The following ATP13A1 variants were observed in gnomAD, a reference collection of about 807,000 sequenced individuals.
The protein encoded by ATP13A1 is ATPase 13A1.
ATP13A1 carries 55 observed loss-of-function variants against 134.8 expected under a neutral mutation model. The ratio of observed to expected loss-of-function variants is 0.41; its 90% CI spans 0.33 to 0.51. The LOEUF is 0.51. Among genes scored for constraint, ATP13A1 ranks in the 20% least tolerant of loss-of-function variants. The probability of loss-of-function intolerance (pLI) is 0.29; values close to 1 mark genes in which losing one functional copy is unlikely to be tolerated. For missense variants in ATP13A1, 1,389 were observed against 1,652.8 expected, an observed-to-expected ratio of 0.84 and a Z score of 2.77; for synonymous variants, 775 against 725.1, an observed-to-expected ratio of 1.07 and a Z score of -1.10.
intron 3 of ATP13A1, among the ~76,000 whole-genome samples, chr19:19,658,457 C>T (rs1467053259): frequency 6.6e-6 from 1 of 152,182 alleles, no homozygotes; most frequent in African/African-American, 2.4e-5. Flanking sequence ...TGTGACTGGC[C>T]AACCTTGGGG....
At chr19:19,652,469 T>G in intron 16 of ATP13A1, 126 bp downstream of exon 16, 1 of 1,346,438 alleles carries the variant, frequency 7.4e-7, no homozygotes. Context: ...ACCTGAGCTA[T>G]GATCTTGCTC....
rs1228070278 is a variant in ATP13A1 at position 19,647,337 on chromosome 19, TGG to T, written c.2909-14_2909-13del. ...GATCACGTGGCAGACTGCAGGGTGG[TGG>T]GGAGGCAGGTGTGGGTGTGGGTAGG... On this transcript the variant is annotated splice_polypyrimidine_tract_variant and intron_variant, in intron 21 of 25. Coordinates refer to ENST00000357324, the MANE Select transcript of ATP13A1 (RefSeq NM_020410.3). The surrounding 1 kb of genome is among the most constrained non-coding windows in gnomAD (Gnocchi z 4.8). The T allele has an allele frequency of 2.2e-6, 3 of 1,345,498 alleles. No homozygotes were observed. The South Asian group carries it at 4.4e-5, about 20-fold the overall frequency. 83.3% of individuals were successfully genotyped at this position (1,345,498 alleles called of 1,614,324 possible).
chr19:19,647,638 C>A lies in ATP13A1; in HGVS notation c.2754G>T (p.Ser918=). Reference sequence around the variant, plus strand: ...GCTGCTCCTCGGAGGGAGGGAGCCCCGACCGCTGCTTGGCTGTCCTGGAGG... The same window carrying A: ...GCTGCTCCTCGGAGGGAGGGAGCCCAGACCGCTGCTTGGCTGTCCTGGAGG... ...RATSRTAKQR[S]GLPPSEEQPT... The change falls in exon 20 of 26, where the codon TCG becomes TCT. Residue 918 remains serine, a synonymous_variant. Transcript: ENST00000357324. This position sits in a 1 kb window ranked among gnomAD's most constrained non-coding sequence, Gnocchi z 4.8. The A allele has an allele frequency of 6.2e-7, 1 of 1,613,286 alleles. No homozygotes were observed. The highest frequency in any genetic ancestry group is 8.5e-7 in the Non-Finnish European group (1 of 1,179,846).
intron 1 of ATP13A1, chr19:19,662,082 G>T: frequency 6.3e-7 from 1 of 1,576,324 alleles, no homozygotes; most frequent in Non-Finnish European, 8.6e-7. Context: ...CACCTCTCCT[G>T]GCTGATGGCT....
At chr19:19,646,602 G>A in intron 22 of ATP13A1, 1 of 550,020 alleles carries the variant, frequency 1.8e-6, no homozygotes, top group East Asian at 3.1e-5. Flanking sequence ...TGAGAATCAT[G>A]AAGCAGATCC....
chr19:19,656,020 C>G lies in ATP13A1; in HGVS notation c.1213+34G>C. 1.2e-6 allele frequency: 2 copies of G among 1,613,074 alleles called. No individual in the cohort carries two copies. Among genetic ancestry groups the G allele is most frequent in the Non-Finnish European group, 1.7e-6 (2 of 1,179,644 alleles). ...AGCAGACGGGCAAAGGGGGTGGAAG[C>G]CCAGATACCCCCAGACGCCCATGAG... is the stretch of plus-strand genomic sequence containing the variant. On this transcript the variant is annotated intron_variant, in intron 8 of 25. Coordinates refer to ENST00000357324, the MANE Select transcript of ATP13A1 (RefSeq NM_020410.3). The surrounding 1 kb of genome is among the most constrained non-coding windows in gnomAD (Gnocchi z 4.6).
At chr19:19,646,137 A>C in intron 23 of ATP13A1, 68 bp downstream of exon 23, 1 of 1,607,658 alleles carries the variant, frequency 6.2e-7, no homozygotes, top group South Asian at 1.1e-5. Flanking sequence ...CTCCTGCTGA[A>C]GTCTGTGGAG....
In ATP13A1 at chr19:19,656,822, G is replaced by A. The variant is rs1436385383; in HGVS notation, c.976+25C>T. On this transcript the variant is annotated intron_variant, in intron 6 of 25. Coordinates refer to ENST00000357324, the MANE Select transcript of ATP13A1 (RefSeq NM_020410.3). The surrounding 1 kb of genome is among the most constrained non-coding windows in gnomAD (Gnocchi z 4.6). ...AGGCCCTGAGGCTGGGGCTCCCACT[G>A]GGACTGAGCGGAACCCGGCCTCACC... The A allele has an allele frequency of 1.2e-6, 2 of 1,612,026 alleles. No individual in the cohort carries two copies. Among genetic ancestry groups the A allele is most frequent in the African/African-American group, 2.7e-5 (2 of 74,890 alleles).
In ATP13A1 at chr19:19,645,754, G is replaced by T; in HGVS notation, c.3397C>A (p.Pro1133Thr). ...PFMESLPENK[P>T]LVWSLAVSLL... is the part of the protein sequence containing the mutation. ...GAAACTGCCAGACTCCACACCAGGG[G>T]CTTGTTCTCGGGCAGGCTCTCCATG... The change falls in exon 25 of 26, where the codon CCC becomes ACC. Residue 1133 changes from proline (P) to threonine (T), a missense_variant. Pro to Thr is a conservative substitution (Grantham distance 38). Transcript: ENST00000357324. The surrounding 1 kb of genome is among the most constrained non-coding windows in gnomAD (Gnocchi z 4.1). The T allele has an allele frequency of 6.2e-7, 1 of 1,606,272 alleles. No individual in the cohort carries two copies.
At chr19:19,663,199 AG>A in intron 1 of ATP13A1, 71 bp downstream of exon 1, 1 of 1,547,828 alleles carries the variant, frequency 6.5e-7, no homozygotes, top group Non-Finnish European at 8.7e-7. Flanking sequence ...GGTGACCGAC[AG>A]GAAGGCCGCA....
Position 19,649,571 on chromosome 19 carries a change from G to A in ATP13A1, c.2628C>T (p.Asp876=), listed in dbSNP as rs2062010698. The A allele has an allele frequency of 3.1e-6, 5 of 1,613,270 alleles. No individual in the cohort carries two copies. Among genetic ancestry groups the A allele is most frequent in the African/African-American group, 1.3e-5 (1 of 74,884 alleles). The change falls in exon 19 of 26, where the codon GAC becomes GAT. Residue 876 remains aspartate (D), a synonymous_variant. Transcript: ENST00000357324. The part of the protein sequence containing the change: ...TNDVGALKHA[D]VGVALLANAP... ...ACCCTAGCCCACAGCACTCACCCACGTCAGCATGCTTCAGGGCGCCCACGT... is the reference window on the plus strand; with the variant it reads ...ACCCTAGCCCACAGCACTCACCCACATCAGCATGCTTCAGGGCGCCCACGT...
At position 19,647,767 on chromosome 19, in the gene ATP13A1, G is replaced by A. The variant is rs779483873; in HGVS notation, c.2633-8C>T. ...TGGCCAAGAGCGCCACACCTGGGGG[G>A]CAGGAGGGTGTCAGACCCGGAGGAG... On this transcript the variant is annotated splice_region_variant and splice_polypyrimidine_tract_variant and intron_variant, in intron 19 of 25. Coordinates refer to ENST00000357324, the MANE Select transcript of ATP13A1 (RefSeq NM_020410.3). This position sits in a 1 kb window ranked among gnomAD's most constrained non-coding sequence, Gnocchi z 4.8. 3.8e-6 allele frequency: 6 copies of A among 1,586,680 alleles called. No homozygotes were observed. Among genetic ancestry groups the A allele is most frequent in the South Asian group, 2.3e-5 (2 of 88,796 alleles).
In ATP13A1 at chr19:19,646,218, G is replaced by A. The variant is rs939627327; in HGVS notation, c.3235C>T (p.Arg1079Trp). The A allele has an allele frequency of 5.0e-6, 8 of 1,613,726 alleles. No individual in the cohort carries two copies. Among genetic ancestry groups the A allele is most frequent in the Middle Eastern group, 3.3e-4 (2 of 6,084 alleles). The change falls in exon 23 of 26, where the codon CGG becomes TGG. Residue 1079 changes from arginine to tryptophan, a missense_variant. Around this residue, in one of 4 missense-constraint regions of ATP13A1, gnomAD observed 228 missense variants for 321.0 expected, o/e 0.71. Transcript: ENST00000357324. ...GGCAGCACTTACTTCTCGGGGCTCCGGGCCTGGGCCTCACGGTACAGGTAG... is the reference window on the plus strand; with the variant it reads ...GGCAGCACTTACTTCTCGGGGCTCCAGGCCTGGGCCTCACGGTACAGGTAG... ...LVYLYREAQA[R>W]SPEKQEQFVD...
intron 3 of ATP13A1, among the ~76,000 whole-genome samples, chr19:19,657,679 C>T (rs1467577180): frequency 1.3e-5 from 2 of 152,228 alleles, no homozygotes; most frequent in Non-Finnish European, 2.9e-5. Flanking sequence ...CTGCAATATG[C>T]TCTTCCTGGC....
intron 1 of ATP13A1, among the ~76,000 whole-genome samples, chr19:19,660,207 CACGGTGACTCACACCCATAA>C (rs2062085690): frequency 6.6e-6 from 1 of 152,218 alleles, no homozygotes; most frequent in African/African-American, 2.4e-5. Context: ...CAAGGCTGGG[CACGGTGACTCACACCCATAA>C]TCCCAGCACT....
chr19:19,646,474 G>T, intron 22 of ATP13A1, 127 bp from the exon 23 acceptor site: 1 of 1,116,964 alleles, frequency 9.0e-7, no homozygotes, highest in Non-Finnish European at 1.3e-6. Flanking sequence ...AAATCCTGGG[G>T]GATTCCATGG....
rs771899255 is a variant in ATP13A1 at position 19,645,888 on chromosome 19, C to G, written c.3346G>C (p.Ala1116Pro). Residue 1116 changes from alanine to proline, a missense_variant, in exon 24 of 26, where the codon GCC (alanine) becomes CCC (proline). Physicochemically the swap from Ala to Pro is conservative, Grantham distance 27. Around this residue, in one of 4 missense-constraint regions of ATP13A1, gnomAD observed 228 missense variants for 321.0 expected, o/e 0.71. Transcript: ENST00000357324. The surrounding 1 kb of genome is among the most constrained non-coding windows in gnomAD (Gnocchi z 4.1). ...MAMAMQMATF[A>P]INYKGPPFME... ...CCAGGCCTTACTTTGTAATTGATGG[C>G]GAAGGTGGCCATCTGCATGGCCATG... 1 of 1,613,812 alleles carries G rather than the reference C, an allele frequency of 6.2e-7. No homozygotes were observed. Among genetic ancestry groups the G allele is most frequent in the Non-Finnish European group, 8.5e-7 (1 of 1,179,840 alleles).
In ATP13A1 at chr19:19,647,029, C is replaced by T. The variant is rs1200489468; in HGVS notation, c.3105+100G>A. The stretch of plus-strand genomic sequence containing the variant: ...CAGCTACAGCCCCCATCTCTGGGGC[C>T]CTGGGTCCTGTAACTTGGGGATGAC... On this transcript the variant is annotated intron_variant, in intron 22 of 25. Coordinates refer to ENST00000357324, the MANE Select transcript of ATP13A1 (RefSeq NM_020410.3). This position sits in a 1 kb window ranked among gnomAD's most constrained non-coding sequence, Gnocchi z 4.8. The T allele has an allele frequency of 1.2e-5, 16 of 1,316,630 alleles. No homozygotes were observed. Among genetic ancestry groups the T allele is most frequent in the Non-Finnish European group, 1.7e-5 (16 of 966,048 alleles). The allele number at this position is 1,316,630 out of a possible 1,614,324, so 81.6% of individuals were successfully genotyped here. A position where few individuals can be genotyped will look rare whatever the true frequency, so the allele number is the denominator to read the frequency against.
In ATP13A1 at chr19:19,655,359, C is replaced by T. The variant is rs2062050616; in HGVS notation, c.1491G>A (p.Leu497=). The T allele has an allele frequency of 6.2e-7, 1 of 1,613,968 alleles. No individual in the cohort carries two copies. The highest frequency in any genetic ancestry group is 8.5e-7 in the Non-Finnish European group (1 of 1,179,886). The stretch of plus-strand genomic sequence containing the variant: ...TGAGGGAGGTGTTGACGGCCAGGGA[C>T]AGCTCGATGGGCAGCTCAGGAGGCA... The part of the protein sequence containing the change: ...SVVPPELPIE[L]SLAVNTSLIA... Residue 497 remains leucine (L), a synonymous_variant, in exon 11 of 26, where the codon CTG becomes CTA. Transcript: ENST00000357324. This position sits in a 1 kb window ranked among gnomAD's most constrained non-coding sequence, Gnocchi z 5.7.
Sources: allele counts gnomAD v4.1 joint callset (sites outside exome capture counted in the v4.1 genomes callset), GRCh38; gene constraint gnomAD v4.1.1; regional missense constraint gnomAD v4.1.1; non-coding constraint Gnocchi (gnomAD v3.1); transcripts MANE v1.5; gene names NCBI Gene and HGNC (gene_info 2026-07-23, HGNC 2026-07-21).